The following KIF3A variants were observed in gnomAD, a reference collection of about 807,000 sequenced individuals.
KIF3A encodes kinesin-like protein KIF3A.
In KIF3A, 27 loss-of-function variants were observed where a neutral mutation model predicts 92.6. The observed-to-expected ratio is 0.29, with a 90% CI of 0.21 to 0.40. KIF3A has a LOEUF of 0.40. KIF3A is among the 10% of genes least tolerant of loss of function. KIF3A has a pLI of 1.00. For missense variants in KIF3A, 581 were observed against 872.6 expected, an observed-to-expected ratio of 0.67 and a Z score of 4.21; for synonymous variants, 250 against 275.4, an observed-to-expected ratio of 0.91 and a Z score of 0.92.
At chr5:132,724,848 TATATATATTAAA>T (rs1753982760) in intron 4 of KIF3A, among the ~76,000 whole-genome samples, 4 of 26,062 alleles carry the variant, frequency 1.5e-4, no homozygotes, top group African/African-American at 2.3e-4. Context: ...TATATATATA[TATATATATTAAA>T]AAATCATTCT....
chr5:132,721,736 A>C (rs1408085790), intron 4 of KIF3A, among the ~76,000 whole-genome samples: 1 of 151,358 alleles, frequency 6.6e-6, no homozygotes, highest in Non-Finnish European at 1.5e-5. Context: ...AAAAAGTATG[A>C]TGATCTCTAT....
intron 17 of KIF3A, among the ~76,000 whole-genome samples, chr5:132,699,858 G>C (rs1005571050): frequency 6.6e-6 from 1 of 152,060 alleles, no homozygotes; most frequent in Non-Finnish European, 1.5e-5. Context: ...CACCACGCCC[G>C]GCCCGCTCCC....
intron 4 of KIF3A, among the ~76,000 whole-genome samples, chr5:132,724,802 A>AG (rs1753953812): frequency 9.0e-5 from 3 of 33,326 alleles, no homozygotes; most frequent in Non-Finnish European, 1.7e-4. Context: ...TAAAAAAAAA[A>AG]AAAAATATAT....
At position 132,716,489 on chromosome 5, in the gene KIF3A, T is replaced by C. The variant is rs368870441; in HGVS notation, c.757-47A>G. The stretch of plus-strand genomic sequence containing the variant: ...AGTAAAGCTAAAATTTTTTTAAAAA[T>C]AGAATATTCTTCCCAAGGTTTTATT... On this transcript the variant is annotated intron_variant, in intron 6 of 18. Transcript: ENST00000403231. The C allele has an allele frequency of 5.5e-4, 802 of 1,455,190 alleles. 4 individuals are homozygous for C. Among genetic ancestry groups the C allele is most frequent in the Non-Finnish European group, 7.1e-4 (750 of 1,056,864 alleles). 90.1% of individuals were successfully genotyped at this position (1,455,190 alleles called of 1,614,324 possible). A position where few individuals can be genotyped will look rare whatever the true frequency, so the allele number is the denominator to read the frequency against.
At chr5:132,719,454 T>C (rs963133101) in intron 5 of KIF3A, among the ~76,000 whole-genome samples, 1 of 152,160 alleles carries the variant, frequency 6.6e-6, no homozygotes, top group Non-Finnish European at 1.5e-5. Flanking sequence ...CAGAAACTTA[T>C]AAAAATTTTT....
intron 4 of KIF3A, among the ~76,000 whole-genome samples, chr5:132,724,191 C>T (rs1250453467): frequency 6.6e-6 from 1 of 152,098 alleles, no homozygotes; most frequent in Non-Finnish European, 1.5e-5. Flanking sequence ...ACTTTTACAC[C>T]ATTGGTGGGA....
In KIF3A at chr5:132,696,118, A is replaced by C. The variant is rs1752825536; in HGVS notation, c.*516T>G. The C allele has an allele frequency of 6.5e-6, 1 of 152,820 alleles. No homozygotes were observed. The highest frequency in any genetic ancestry group is 2.4e-5 in the African/African-American group (1 of 41,460). 9.5% of individuals were successfully genotyped at this position (152,820 alleles called of 1,614,324 possible). On this transcript the variant is annotated 3_prime_UTR_variant, in exon 19 of 19. Coordinates refer to ENST00000403231, the MANE Select transcript of KIF3A (RefSeq NM_001300791.2). ...GTCATCTCATACTTAAAATGCAACA[A>C]ATGTTAGACAATTAGAATGTGTTCA...
chr5:132,697,586 T>A (rs1241237984), intron 18 of KIF3A: 1 of 151,830 alleles, frequency 6.6e-6, no homozygotes, highest in Non-Finnish European at 1.5e-5. Context: ...GAGGCTGAGG[T>A]GGGCAGATCA....
chr5:132,737,083 C>T (rs1367323287), intron 1 of KIF3A, among the ~76,000 whole-genome samples: 1 of 152,254 alleles, frequency 6.6e-6, no homozygotes, highest in Non-Finnish European at 1.5e-5. Context: ...CCCACCGTGG[C>T]CACCCCCAGA....
chr5:132,715,000 C>T (rs17166215), intron 8 of KIF3A, among the ~76,000 whole-genome samples: 52,456 of 151,956 alleles, frequency 0.35, 12,854 homozygotes, highest in East Asian at 0.75. Context: ...AATAAGTACC[C>T]TCTCTAAACA....
Position 132,705,057 on chromosome 5 carries a change from G to A in KIF3A, c.1309+1394C>T, listed in dbSNP as rs1346215089. ...ATCCAAATTCATGCTTTGGTGTGGT[G>A]TGATTCATTGCATTCCAAAAGTCAG... On this transcript the variant is annotated intron_variant, in intron 11 of 18. Transcript: ENST00000403231. Among the ~76,000 whole-genome samples, 27 of 151,926 alleles carry A rather than the reference G, an allele frequency of 1.8e-4. 1 individual carries two copies.
At chr5:132,722,113 GTTCA>G (rs1753845182) in intron 4 of KIF3A, among the ~76,000 whole-genome samples, 1 of 152,152 alleles carries the variant, frequency 6.6e-6, no homozygotes, top group Admixed American at 6.5e-5. Context: ...CAGTTTTTGT[GTTCA>G]TTCTCACCGC....
At chr5:132,712,931 A>G (rs6869202) in intron 8 of KIF3A, among the ~76,000 whole-genome samples, 136,466 of 152,214 alleles carry the variant, frequency 0.9, 61,274 homozygotes, top group African/African-American at 0.93. Flanking sequence ...ATGCCGAGGC[A>G]GGCAGATCAC....
rs1216321125 is a variant in KIF3A, at chr5:132,726,154, C to T, written c.484G>A (p.Gly162Ser). ...IYNEEVRDLL[G>S]KDQTQRLEVK... ...TCTAACCTTTGTGTCTGATCCTTGCCCAAAAGGTCACGAACTTCTTCATTA... is the reference window on the plus strand; with the variant it reads ...TCTAACCTTTGTGTCTGATCCTTGCTCAAAAGGTCACGAACTTCTTCATTA... Residue 162 changes from glycine (G) to serine (S), a missense_variant, in exon 4 of 19, where the codon GGC (glycine) becomes AGC (serine). Physicochemically the swap from Gly to Ser is moderately conservative, Grantham distance 56. Around this residue, in one of 5 missense-constraint regions of KIF3A, gnomAD observed 217 missense variants for 299.7 expected, o/e 0.72. Transcript: ENST00000403231. 6.2e-7 allele frequency: 1 copy of T among 1,611,774 alleles called. No individual in the cohort carries two copies. Among genetic ancestry groups the T allele is most frequent in the East Asian group, 2.2e-5 (1 of 44,818 alleles).
At position 132,708,486 on chromosome 5, in the gene KIF3A, G is replaced by C. The variant is rs193274913; in HGVS notation, c.1300+421C>G. Among the ~76,000 whole-genome samples, 17 of 152,100 alleles carry C rather than the reference G, an allele frequency of 1.1e-4. No homozygotes were observed. The East Asian group carries it at 2.9e-3, about 26-fold the overall frequency. On this transcript the variant is annotated intron_variant, in intron 10 of 18. Coordinates refer to ENST00000403231, the MANE Select transcript of KIF3A (RefSeq NM_001300791.2). ...AAGTGTAAAAAATTTGTAATTGTAC[G>C]ACATGTTATAATGGGCACTGGTGTA...
intron 5 of KIF3A, among the ~76,000 whole-genome samples, chr5:132,719,714 A>G (rs541732897): frequency 1.5e-4 from 23 of 151,926 alleles, no homozygotes; most frequent in African/African-American, 5.3e-4. Flanking sequence ...CTGGTCTCAA[A>G]CAAGTGATCC....
intron 9 of KIF3A, 44 bp downstream of exon 9, chr5:132,710,915 A>G: frequency 6.2e-7 from 1 of 1,613,310 alleles, no homozygotes; most frequent in Non-Finnish European, 8.5e-7. Context: ...CCACCTTGTG[A>G]AACCACCTAA....
At chr5:132,723,654 A>T (rs961012832) in intron 4 of KIF3A, 2 of 152,228 alleles carry the variant, frequency 1.3e-5, no homozygotes, top group African/African-American at 2.4e-5. Context: ...TTAATTCAAG[A>T]TGGATTAAAG....
At chr5:132,711,236 T>A (rs1753412839) in intron 8 of KIF3A, among the ~76,000 whole-genome samples, 179 bp from the exon 9 acceptor site, 1 of 152,166 alleles carries the variant, frequency 6.6e-6, no homozygotes, top group Non-Finnish European at 1.5e-5. Context: ...AGATGAGATA[T>A]CCAAAAAGAC....
Sources: gnomAD v4.1 joint callset for allele counts (sites outside exome capture counted in the v4.1 genomes callset) on GRCh38, gnomAD v4.1.1 for gene constraint, gnomAD v4.1.1 regional missense constraint, MANE v1.5 for transcripts, NCBI Gene and HGNC (gene_info 2026-07-23, HGNC 2026-07-21) for gene names.